The following JAZF1 variants were observed in gnomAD, a reference collection of about 807,000 sequenced individuals.
JAZF1 encodes the protein juxtaposed with another zinc finger protein 1.
JAZF1 carries 8 observed loss-of-function variants against 26.4 expected under a neutral mutation model. That is an observed-to-expected ratio of 0.30 (90% confidence interval 0.18 to 0.55). The LOEUF (loss-of-function observed/expected upper bound fraction) is 0.55, where lower values mean the gene tolerates loss of function less well. JAZF1 is among the 20% of genes least tolerant of loss of function. JAZF1 has a pLI of 0.94. For synonymous variants in JAZF1, 126 were observed against 122.3 expected, an observed-to-expected ratio of 1.03 and a Z score of -0.20; for missense variants, 199 against 322.0, an observed-to-expected ratio of 0.62 and a Z score of 2.92.
At chr7:27,863,206 C>T (rs1783413000) in intron 3 of JAZF1, among the ~76,000 whole-genome samples, 1 of 152,216 alleles carries the variant, frequency 6.6e-6, no homozygotes, top group Non-Finnish European at 1.5e-5. Context: ...CTATTCCTTC[C>T]CTGCCCATCA....
Position 28,162,102 on chromosome 7 carries a change from G to A in JAZF1, c.115+18361C>T, listed in dbSNP as rs534129376. On this transcript the variant is annotated intron_variant, in intron 1 of 4. Coordinates refer to ENST00000283928, the MANE Select transcript of JAZF1 (RefSeq NM_175061.4). ...TATATGTTACCTATTCAAAGGAAAG[G>A]CAAAGTTCTTAACAGCAGGCTCACT... Among the ~76,000 whole-genome samples the A allele has an allele frequency of 4.6e-5, 7 of 152,244 alleles. No individual in the cohort carries two copies. The South Asian group carries it at 1.5e-3, about 32-fold the overall frequency.
intron 2 of JAZF1, among the ~76,000 whole-genome samples, chr7:27,919,841 A>C (rs536178026): frequency 6.6e-6 from 1 of 152,318 alleles, no homozygotes; most frequent in East Asian, 1.9e-4. Context: ...AAATCTAAAT[A>C]TCACTAATGA....
At chr7:28,157,955 C>T (rs1281066627) in intron 1 of JAZF1, among the ~76,000 whole-genome samples, 1 of 151,872 alleles carries the variant, frequency 6.6e-6, no homozygotes, top group Non-Finnish European at 1.5e-5. Context: ...AGTAGCAGAA[C>T]TGATAGGAAT....
chr7:28,089,568 T>C (rs1317526512), intron 1 of JAZF1, among the ~76,000 whole-genome samples: 1 of 152,128 alleles, frequency 6.6e-6, no homozygotes, highest in African/African-American at 2.4e-5. Flanking sequence ...ATGTTGACAT[T>C]GCTGTGAAGG....
At chr7:27,929,967 T>TCTCCCTCC (rs1161265683) in intron 2 of JAZF1, among the ~76,000 whole-genome samples, 4 of 150,608 alleles carry the variant, frequency 2.7e-5, no homozygotes, top group Non-Finnish European at 5.9e-5. Context: ...TCTCCCCCTC[T>TCTCCCTCC]CTCCCTCCCT....
intron 2 of JAZF1, among the ~76,000 whole-genome samples, chr7:27,929,936 TTCTCTCTCTC>T (rs112011020): frequency 6.9e-6 from 1 of 144,712 alleles, no homozygotes; most frequent in African/African-American, 2.6e-5. Flanking sequence ...ATTTTCTGCA[TTCTCTCTCTC>T]TCTCTCTCTC....
In JAZF1 at chr7:27,977,788, G is replaced by A. The variant is rs1005575231; in HGVS notation, c.188+14121C>T. Among the ~76,000 whole-genome samples, 7 of 152,272 alleles carry A rather than the reference G, an allele frequency of 4.6e-5. No individual in the cohort carries two copies. In the East Asian group the frequency reaches 9.7e-4, roughly 21 times the overall value. ...GCCGATTCTGACCTCTGCCTCCTCA[G>A]TTCAGCGAAGCTGCTGTGTTCTGCC... On this transcript the variant is annotated intron_variant, in intron 2 of 4. Coordinates refer to ENST00000283928, the MANE Select transcript of JAZF1 (RefSeq NM_175061.4).
intron 1 of JAZF1, among the ~76,000 whole-genome samples, chr7:28,050,904 C>T (rs568326755): frequency 6.6e-5 from 10 of 152,002 alleles, no homozygotes; most frequent in East Asian, 3.9e-4. Context: ...GAGGCCGAGG[C>T]GGGCGGATCA....
At chr7:27,849,772 C>CACACACACACACACACACACACACAT (rs140580370) in intron 3 of JAZF1, among the ~76,000 whole-genome samples, 15,125 of 145,974 alleles carry the variant, frequency 0.1, 936 homozygotes, top group South Asian at 0.17. Context: ...CACACACACA[C>CACACACACACACACACACACACACAT]ACCCCTACAC....
intron 1 of JAZF1, among the ~76,000 whole-genome samples, chr7:28,003,419 A>G (rs573244079): frequency 6.6e-6 from 1 of 152,324 alleles, no homozygotes; most frequent in East Asian, 1.9e-4. Context: ...TTTCTCCAGA[A>G]TTAGTTATTA....
Position 27,840,957 on chromosome 7 carries a change from T to C in JAZF1, c.386-90A>G, listed in dbSNP as rs375861813. 7.0e-7 allele frequency: 1 copy of C among 1,423,394 alleles called. No individual in the cohort carries two copies. The allele number at this position is 1,423,394 out of a possible 1,614,324, so 88.2% of individuals were successfully genotyped here. A position where few individuals can be genotyped will look rare whatever the true frequency, so the allele number is the denominator to read the frequency against. The stretch of plus-strand genomic sequence containing the variant: ...ACTTCCAGGACAGGAGATGTGGCCG[T>C]GGCAGAGCAGCGCTGACGGCCCAGG... On this transcript the variant is annotated intron_variant, in intron 3 of 4. Coordinates refer to ENST00000283928, the MANE Select transcript of JAZF1 (RefSeq NM_175061.4). The surrounding 1 kb of genome is among the most constrained non-coding windows in gnomAD (Gnocchi z 5.1).
intron 2 of JAZF1, among the ~76,000 whole-genome samples, chr7:27,983,848 G>C (rs970893898): frequency 1.3e-5 from 2 of 152,130 alleles, no homozygotes; most frequent in African/African-American, 2.4e-5. Flanking sequence ...GCCAGCCAAA[G>C]TAAGCTTCAT....
chr7:28,095,349 G>A (rs1373554646), intron 1 of JAZF1, among the ~76,000 whole-genome samples: 3 of 152,118 alleles, frequency 2.0e-5, no homozygotes, highest in Admixed American at 6.5e-5. Context: ...GGAAACTTAC[G>A]ATCATGGCGG....
At chr7:28,175,145 A>G (rs1783529946) in intron 1 of JAZF1, among the ~76,000 whole-genome samples, 1 of 152,156 alleles carries the variant, frequency 6.6e-6, no homozygotes, top group Non-Finnish European at 1.5e-5. Flanking sequence ...CTTTGACACC[A>G]CTTTCCCAGT....
In JAZF1 at chr7:27,971,892, A is replaced by C. The variant is rs1418052523; in HGVS notation, c.188+20017T>G. The stretch of plus-strand genomic sequence containing the variant: ...GTGTGAAAAGATAGGAAATAGAAAG[A>C]TTGGTAAGACATGATGGGAGGGCAA... On this transcript the variant is annotated intron_variant, in intron 2 of 4. Coordinates refer to ENST00000283928, the MANE Select transcript of JAZF1 (RefSeq NM_175061.4). 2.0e-5 allele frequency among the ~76,000 whole-genome samples: 3 copies of C among 152,212 alleles called. No homozygotes were observed. The East Asian group carries it at 5.8e-4, about 29-fold the overall frequency.
intron 1 of JAZF1, among the ~76,000 whole-genome samples, chr7:28,164,429 A>T (rs1209014327): frequency 6.6e-6 from 1 of 152,210 alleles, no homozygotes; most frequent in Non-Finnish European, 1.5e-5. Flanking sequence ...GCATCCTGTC[A>T]CTCAAAGCAC....
intron 2 of JAZF1, among the ~76,000 whole-genome samples, chr7:27,954,948 G>C (rs747899126): frequency 3.3e-5 from 5 of 152,098 alleles, no homozygotes; most frequent in Non-Finnish European, 5.9e-5. Context: ...AGTAGAGATG[G>C]AGTTTCTCCA....
intron 2 of JAZF1, among the ~76,000 whole-genome samples, chr7:27,935,599 A>T (rs1298192608): frequency 6.6e-6 from 1 of 152,222 alleles, no homozygotes; most frequent in Admixed American, 6.5e-5. Flanking sequence ...TGACAAAAAT[A>T]TTCTAAAACT....
At chr7:27,921,147 A>G (rs1784522440) in intron 2 of JAZF1, among the ~76,000 whole-genome samples, 1 of 152,234 alleles carries the variant, frequency 6.6e-6, no homozygotes, top group South Asian at 2.1e-4. Context: ...TCCTGCTGCT[A>G]TGTGAACTAG....
Sources: gnomAD v4.1 joint callset for allele counts (sites outside exome capture counted in the v4.1 genomes callset) on GRCh38, gnomAD v4.1.1 for gene constraint, Gnocchi (gnomAD v3.1) non-coding constraint, MANE v1.5 for transcripts, NCBI Gene and HGNC (gene_info 2026-07-23, HGNC 2026-07-21) for gene names.